PREX1: variants seen among roughly 807,000 people sequenced by gnomAD.
PREX1 encodes the protein phosphatidylinositol 3,4,5-trisphosphate-dependent Rac exchanger 1 protein.
Under a neutral mutation model 198.3 loss-of-function variants are expected in PREX1, and 41 were observed. The observed-to-expected ratio is 0.21, with a 90% CI of 0.16 to 0.27. PREX1 has a LOEUF of 0.27. Ranked by LOEUF, PREX1 falls within the 10% of genes least tolerant of loss-of-function variation. The pLI is 1.00. For synonymous variants in PREX1, 843 were observed against 887.2 expected, an observed-to-expected ratio of 0.95 and a Z score of 0.89; for missense variants, 1,620 against 2,200.7, an observed-to-expected ratio of 0.74 and a Z score of 5.28.
intron 1 of PREX1, among the ~76,000 whole-genome samples, chr20:48,803,553 CCCAAT>C (rs2090397098): frequency 6.6e-6 from 1 of 152,128 alleles, no homozygotes; most frequent in East Asian, 1.9e-4. Flanking sequence ...CCAGCAGCAC[CCCAAT>C]TCCACTTCCC....
At chr20:48,707,265 T>C (rs1283970486) in intron 6 of PREX1, among the ~76,000 whole-genome samples, 1 of 152,100 alleles carries the variant, frequency 6.6e-6, no homozygotes, top group African/African-American at 2.4e-5. Flanking sequence ...CCAAATCATA[T>C]CCCAAACTGA....
chr20:48,632,480 C>T lies in PREX1; in HGVS notation c.4411+16G>A. The T allele has an allele frequency of 6.2e-7, 1 of 1,613,854 alleles. No homozygotes were observed. The highest frequency in any genetic ancestry group is 1.1e-5 in the South Asian group (1 of 91,050). ...CCGGCCCCCGTGGTCCTCCCTGCCC[C>T]AGGCCTGAAGCTCACCTTTCGTGAA... On this transcript the variant is annotated intron_variant, in intron 34 of 39. Coordinates refer to ENST00000371941, the MANE Select transcript of PREX1 (RefSeq NM_020820.4).
Position 48,625,751 on chromosome 20 carries a change from A to C in PREX1, c.*134T>G. The C allele has an allele frequency of 9.2e-7, 1 of 1,084,932 alleles. No individual in the cohort carries two copies. The highest frequency in any genetic ancestry group is 1.3e-6 in the Non-Finnish European group (1 of 782,304). The allele number at this position is 1,084,932 out of a possible 1,614,324, so 67.2% of individuals were successfully genotyped here. The stretch of plus-strand genomic sequence containing the variant: ...AGGCTTGTCCCGGAAGGAGGCAGGG[A>C]GGACGCTGGGCAGGTCCCGGAACGG... On this transcript the variant is annotated 3_prime_UTR_variant, in exon 40 of 40. Transcript: ENST00000371941.
chr20:48,720,321 T>A (rs1369979169), intron 5 of PREX1, among the ~76,000 whole-genome samples: 1 of 152,166 alleles, frequency 6.6e-6, no homozygotes, highest in African/African-American at 2.4e-5. Flanking sequence ...TTCTTACTCA[T>A]TTGTCACCAT....
At chr20:48,753,508 C>T (rs971425556) in intron 1 of PREX1, among the ~76,000 whole-genome samples, 1 of 152,064 alleles carries the variant, frequency 6.6e-6, no homozygotes, top group African/African-American at 2.4e-5. Context: ...CTGCGAAACA[C>T]CCTACAGTGC....
intron 7 of PREX1, among the ~76,000 whole-genome samples, chr20:48,700,306 G>A (rs1332315430): frequency 6.6e-6 from 1 of 152,098 alleles, no homozygotes; most frequent in African/African-American, 2.4e-5. Context: ...TATCCAATAT[G>A]GTAGCCACGA....
chr20:48,699,127 A>G (rs899494664), intron 7 of PREX1, among the ~76,000 whole-genome samples: 21 of 152,176 alleles, frequency 1.4e-4, no homozygotes, highest in African/African-American at 5.1e-4. Flanking sequence ...ATCCAGTGGT[A>G]AGGTTTCTCA....
Position 48,642,241 on chromosome 20 carries a change from A to G in PREX1, c.3702T>C (p.Ala1234=), listed in dbSNP as rs148455541. ...HLFNQVDSIN[A]LLKGPVMSRA... The stretch of plus-strand genomic sequence containing the variant: ...GGCTCATGACTGGCCCCTTGAGGAG[A>G]GCATTGATGGAGTCCACCTGGGTGG... The change falls in exon 29 of 40, where the codon GCT becomes GCC. Residue 1234 remains alanine, a synonymous_variant. Coordinates refer to ENST00000371941, the MANE Select transcript of PREX1 (RefSeq NM_020820.4). 31 of 1,613,904 alleles carry G rather than the reference A, an allele frequency of 1.9e-5. No individual in the cohort carries two copies. In the African/African-American group the frequency reaches 3.9e-4, roughly 20 times the overall value.
chr20:48,727,686 G>A (rs530251147), intron 4 of PREX1, among the ~76,000 whole-genome samples: 11 of 152,190 alleles, frequency 7.2e-5, no homozygotes, highest in African/African-American at 2.2e-4. Flanking sequence ...AGAGCCAGGC[G>A]GGTTGACACC....
intron 8 of PREX1, 113 bp downstream of exon 8, chr20:48,692,559 G>A (rs901041654): frequency 1.2e-6 from 1 of 840,450 alleles, no homozygotes; most frequent in Non-Finnish European, 1.9e-6. Flanking sequence ...CTTTTCTGTA[G>A]GTAGATTACA....
chr20:48,663,154 G>C (rs1020175540), intron 15 of PREX1, among the ~76,000 whole-genome samples: 2 of 152,228 alleles, frequency 1.3e-5, no homozygotes, highest in Admixed American at 1.3e-4. Flanking sequence ...AGAACTCTGG[G>C]CATGCTGAGC....
chr20:48,682,589 G>A (rs2089758717), intron 10 of PREX1, among the ~76,000 whole-genome samples: 1 of 152,208 alleles, frequency 6.6e-6, no homozygotes, highest in Admixed American at 6.5e-5. Flanking sequence ...AGAAAGGAAT[G>A]TTCTGAGGTC....
At chr20:48,746,351 T>C (rs1022266561) in intron 2 of PREX1, among the ~76,000 whole-genome samples, 2 of 152,218 alleles carry the variant, frequency 1.3e-5, no homozygotes, top group African/African-American at 4.8e-5. Context: ...TTAAGAATAG[T>C]TGTTAACAGC....
intron 1 of PREX1, among the ~76,000 whole-genome samples, chr20:48,804,757 C>T (rs2090404104): frequency 1.3e-5 from 2 of 152,282 alleles, no homozygotes; most frequent in South Asian, 2.1e-4. Flanking sequence ...GAGAAGTGGC[C>T]GGATCCTGGC....
chr20:48,741,155 C>T (rs114512206), intron 3 of PREX1, among the ~76,000 whole-genome samples: 21 of 151,938 alleles, frequency 1.4e-4, no homozygotes, highest in Admixed American at 9.8e-4. Flanking sequence ...AATAATAATA[C>T]AAAGAATACT....
the PREX1 span, among the ~76,000 whole-genome samples, chr20:48,879,256 GCA>G: frequency 6.6e-6 from 1 of 152,142 alleles, no homozygotes. Flanking sequence ...TTATTATTTT[GCA>G]GTTTCATCTT....
the PREX1 span, among the ~76,000 whole-genome samples, chr20:48,852,270 T>C: frequency 1.3e-5 from 2 of 152,230 alleles, no homozygotes; most frequent in Non-Finnish European, 2.9e-5. Flanking sequence ...ATCAAATGAC[T>C]CAAGCAGTAT....
chr20:48,751,632 C>A (rs191249621), intron 1 of PREX1, among the ~76,000 whole-genome samples: 264 of 152,348 alleles, frequency 1.7e-3, no homozygotes, highest in Middle Eastern at 3.4e-3. Flanking sequence ...CAGGGCGACT[C>A]TTCCTTTGTC....
At chr20:48,817,644 C>T (rs1307301904) in intron 1 of PREX1, among the ~76,000 whole-genome samples, 1 of 152,158 alleles carries the variant, frequency 6.6e-6, no homozygotes, top group African/African-American at 2.4e-5. Context: ...CAATGCCACA[C>T]TGTAAAAAAT....
Sources: allele counts gnomAD v4.1 joint callset (sites outside exome capture counted in the v4.1 genomes callset), GRCh38; gene constraint gnomAD v4.1.1; transcripts MANE v1.5; gene names NCBI Gene and HGNC (gene_info 2026-07-23, HGNC 2026-07-21).